WIPF1: variants seen among roughly 807,000 people sequenced by gnomAD.
WIPF1 encodes the protein WAS/WASL interacting protein family member 1, also known as WAS/WASL-interacting protein family member 1.
A neutral mutation model predicts 35.4 loss-of-function variants in WIPF1; 13 were observed. The observed-to-expected ratio is 0.37, with a 90% CI of 0.24 to 0.58. The LOEUF is 0.58. Ranked by LOEUF, WIPF1 falls within the 20% of genes least tolerant of loss-of-function variation. The pLI is 0.74. For synonymous variants in WIPF1, 267 were observed against 266.3 expected (o/e 1.00, Z -0.02); for missense variants, 591 against 667.0 (o/e 0.89, Z 1.25).
chr2:174,676,096 ACAG>A lies in WIPF1; in HGVS notation c.-39+6675_-39+6677del, dbSNP rs563288222. On this transcript the variant is annotated intron_variant, in intron 1 of 8. Coordinates refer to the WIPF1 transcript ENST00000272746. ...CTGAGTAACTGGGCTACAGGCACAT[ACAG>A]CCACCATGCCTGGCTTTTTTTTTTT... Among the ~76,000 whole-genome samples the A allele has an allele frequency of 5.5e-3, 828 of 149,472 alleles. 7 individuals carry two copies. The highest frequency in any genetic ancestry group is 0.018 in the African/African-American group (718 of 40,662).
upstream of WIPF1, among the ~76,000 whole-genome samples, chr2:174,602,643 A>G (rs140501164): frequency 3.6e-3 from 543 of 152,370 alleles, 10 homozygotes; most frequent in Admixed American, 0.029. Context: ...GCAGAAACAA[A>G]GGAATAATCC....
At chr2:174,674,639 T>G (rs1172546753) in intron 1 of WIPF1, among the ~76,000 whole-genome samples, 1 of 152,066 alleles carries the variant, frequency 6.6e-6, no homozygotes, top group Admixed American at 6.6e-5. Flanking sequence ...AAAAGACAGG[T>G]AAGAATAAAT....
At chr2:174,651,253 T>C (rs569961077) in intron 1 of WIPF1, among the ~76,000 whole-genome samples, 1 of 152,358 alleles carries the variant, frequency 6.6e-6, no homozygotes, top group African/African-American at 2.4e-5. Flanking sequence ...CAAATGCTCT[T>C]TGTAGCACAA....
chr2:174,587,255 G>A (rs909091984), intron 1 of WIPF1, among the ~76,000 whole-genome samples: 1 of 152,030 alleles, frequency 6.6e-6, no homozygotes, highest in Non-Finnish European at 1.5e-5. Flanking sequence ...GGCCTCATGC[G>A]ATCCTCCTGC....
At chr2:174,651,969 T>C (rs1440218711) in intron 1 of WIPF1, among the ~76,000 whole-genome samples, 1 of 152,194 alleles carries the variant, frequency 6.6e-6, no homozygotes, top group Non-Finnish European at 1.5e-5. Context: ...CTAGGAAGGA[T>C]AAGGTATAGA....
chr2:174,583,971 C>T (rs548237681), intron 2 of WIPF1, among the ~76,000 whole-genome samples: 20 of 152,204 alleles, frequency 1.3e-4, no homozygotes, highest in Middle Eastern at 3.4e-3. Flanking sequence ...AAGCACGCAC[C>T]GCCATGTCTG....
chr2:174,661,553 T>C (rs980110810), intron 1 of WIPF1, among the ~76,000 whole-genome samples: 1 of 152,174 alleles, frequency 6.6e-6, no homozygotes, highest in African/African-American at 2.4e-5. Context: ...CTGCCCTCCC[T>C]TGACTGCCAT....
intron 1 of WIPF1, among the ~76,000 whole-genome samples, chr2:174,679,350 C>T (rs905208323): frequency 5.3e-5 from 8 of 152,040 alleles, no homozygotes; most frequent in African/African-American, 1.9e-4. Context: ...CTCCTGTAAT[C>T]CCAGCTACTT....
intron 3 of WIPF1, among the ~76,000 whole-genome samples, chr2:174,580,282 C>T (rs1026556331): frequency 3.3e-5 from 5 of 152,158 alleles, no homozygotes; most frequent in African/African-American, 1.2e-4. Flanking sequence ...TGCATTCTCA[C>T]TCGCAGCACT....
At chr2:174,603,658 AG>A (rs1686072436) in intron 1 of WIPF1, among the ~76,000 whole-genome samples, 2 of 152,232 alleles carry the variant, frequency 1.3e-5, no homozygotes, top group Non-Finnish European at 2.9e-5. Flanking sequence ...AAAACTGACT[AG>A]AGGCACAGAG....
Position 174,575,268 on chromosome 2 carries a change from T to A in WIPF1, c.294A>T (p.Pro98=), listed in dbSNP as rs1268847008. The A allele has an allele frequency of 5.0e-6, 8 of 1,613,922 alleles. No individual in the cohort carries two copies. Among genetic ancestry groups the A allele is most frequent in the Non-Finnish European group, 5.1e-6 (6 of 1,179,938 alleles). ...CAGCCTGGAACAATCCTCCCAGACC[T>A]GGAGGTCCGCCCCCTCCAAAACTTC... ...GGGSFGGGGP[P]GLGGLFQAGM... Residue 98 remains proline, a synonymous_variant, in exon 4 of 8, where the codon CCA becomes CCT. Coordinates refer to ENST00000679041, the MANE Select transcript of WIPF1 (RefSeq NM_001375834.1).
chr2:174,619,457 C>T (rs147880585), intron 1 of WIPF1, among the ~76,000 whole-genome samples: 1 of 152,134 alleles, frequency 6.6e-6, no homozygotes, highest in Admixed American at 6.5e-5. Flanking sequence ...ATCTAGCTAT[C>T]TCTTACTTTG....
intron 1 of WIPF1, among the ~76,000 whole-genome samples, chr2:174,609,962 T>C (rs1454776197): frequency 6.6e-6 from 1 of 152,228 alleles, no homozygotes; most frequent in Non-Finnish European, 1.5e-5. Context: ...TCTCAGCAGA[T>C]CCTGCTTTTC....
In WIPF1 at chr2:174,590,016, T is replaced by G. The variant is rs1412981238; in HGVS notation, c.-38-4405A>C. On this transcript the variant is annotated intron_variant, in intron 1 of 7. Transcript: ENST00000679041. The surrounding 1 kb of genome is among the most constrained non-coding windows in gnomAD (Gnocchi z 4.6). The stretch of plus-strand genomic sequence containing the variant: ...GGGAGGACTGCTTGAGCCCAGGAGT[T>G]TAAGACTAGCTTGGGCTACAAAGTG... Among the ~76,000 whole-genome samples, 2 of 152,028 alleles carry G rather than the reference T, an allele frequency of 1.3e-5. No individual in the cohort carries two copies. The highest frequency in any genetic ancestry group is 2.9e-5 in the Non-Finnish European group (2 of 67,980).
Position 174,575,207 on chromosome 2 carries a change from T to A in WIPF1, c.355A>T (p.Asn119Tyr), listed in dbSNP as rs1197461864. 1 of 1,609,154 alleles carries A rather than the reference T, an allele frequency of 6.2e-7. No homozygotes were observed. The highest frequency in any genetic ancestry group is 2.2e-5 in the East Asian group (1 of 44,844). Residue 119 changes from asparagine to tyrosine, a missense_variant, in exon 4 of 8, where the codon AAT becomes TAT. Physicochemically the swap from Asn to Tyr is moderately radical, Grantham distance 143. This residue lies in a region of WIPF1 where 471 missense variants were observed against 501.1 expected (regional missense o/e 0.94). Transcript: ENST00000679041. The part of the protein sequence containing the change: ...PKLRSTANRD[N>Y]DSGGSRPPLL... ...GAGACAGGGAAACTCTCCTTACCAT[T>A]ATCCCTGTTGGCCGTGGATCTCAGC...
chr2:174,585,206 C>T (rs1041388300), intron 2 of WIPF1, among the ~76,000 whole-genome samples: 1 of 152,192 alleles, frequency 6.6e-6, no homozygotes, highest in African/African-American at 2.4e-5. Context: ...AAACAGTGCA[C>T]ACTGGTCTCA....
intron 1 of WIPF1, among the ~76,000 whole-genome samples, chr2:174,613,824 C>T (rs1463219299): frequency 6.6e-6 from 1 of 151,986 alleles, no homozygotes; most frequent in Non-Finnish European, 1.5e-5. Context: ...AGAATGAAGA[C>T]TTTTATAATG....
chr2:174,646,076 T>C (rs1363243946), intron 1 of WIPF1, among the ~76,000 whole-genome samples: 1 of 152,180 alleles, frequency 6.6e-6, no homozygotes, highest in East Asian at 1.9e-4. Flanking sequence ...AGTGAAGAGA[T>C]TAACATAGGC....
intron 1 of WIPF1, among the ~76,000 whole-genome samples, chr2:174,682,195 G>A (rs1339653365): frequency 6.6e-6 from 1 of 152,218 alleles, no homozygotes; most frequent in African/African-American, 2.4e-5. Flanking sequence ...GGTCGACGCA[G>A]ACCCCTAACG....
Sources: gnomAD v4.1 joint callset for allele counts (sites outside exome capture counted in the v4.1 genomes callset) on GRCh38, gnomAD v4.1.1 for gene constraint, gnomAD v4.1.1 regional missense constraint, Gnocchi (gnomAD v3.1) non-coding constraint, MANE v1.5 for transcripts, NCBI Gene and HGNC (gene_info 2026-07-23, HGNC 2026-07-21) for gene names.